Variants in ZZZ3 observed in about 807,000 individuals in gnomAD.
The protein encoded by ZZZ3 is ZZ-type zinc finger-containing protein 3.
In ZZZ3, 22 loss-of-function variants were observed where a neutral mutation model predicts 95.2. That is an observed-to-expected ratio of 0.23 (90% CI 0.17 to 0.33). The LOEUF (loss-of-function observed/expected upper bound fraction) is 0.33. ZZZ3 is among the 10% of genes least tolerant of loss of function. ZZZ3 has a pLI of 1.00. For synonymous variants in ZZZ3, 335 were observed against 358.9 expected, an observed-to-expected ratio of 0.93 and a Z score of 0.75; for missense variants, 885 against 1,066.5, an observed-to-expected ratio of 0.83 and a Z score of 2.37.
chr1:77,681,253 C>T (rs1027674864), intron 1 of ZZZ3, among the ~76,000 whole-genome samples: 27 of 151,952 alleles, frequency 1.8e-4, no homozygotes, highest in African/African-American at 6.3e-4. Context: ...TTTGTGGTAC[C>T]GTGAAACAAG....
intron 5 of ZZZ3, among the ~76,000 whole-genome samples, chr1:77,596,704 T>A (rs1183144665): frequency 1.3e-5 from 2 of 151,448 alleles, no homozygotes; most frequent in South Asian, 4.2e-4. Context: ...TTGATAAGAG[T>A]TTTTCACAAT....
chr1:77,580,825 C>T, intron 9 of ZZZ3, 173 bp downstream of exon 9: 1 of 545,004 alleles, frequency 1.8e-6, no homozygotes, highest in Non-Finnish European at 3.3e-6. Context: ...AGGGTTTCAC[C>T]ATGTTGGCCA....
intron 5 of ZZZ3, among the ~76,000 whole-genome samples, chr1:77,602,225 C>T (rs1345467410): frequency 6.6e-6 from 1 of 152,054 alleles, no homozygotes; most frequent in Non-Finnish European, 1.5e-5. Context: ...AAGCTATGCA[C>T]TTTAAAGAAC....
chr1:77,616,794 G>A (rs1195037823), intron 5 of ZZZ3, among the ~76,000 whole-genome samples: 4 of 152,136 alleles, frequency 2.6e-5, no homozygotes, highest in Non-Finnish European at 4.4e-5. Flanking sequence ...TGGAACCCAG[G>A]AGGCGGAGGT....
chr1:77,673,680 CA>C (rs1279166431), intron 1 of ZZZ3, among the ~76,000 whole-genome samples: 1 of 152,152 alleles, frequency 6.6e-6, no homozygotes, highest in Admixed American at 6.5e-5. Flanking sequence ...AGCTGATTCC[CA>C]ATTTTTTACC....
rs572658240 is a variant in ZZZ3 at position 77,598,697 on chromosome 1, CA to C, written c.1506-14043del. ...TTAAGACATAGTGCAATCATGCCAC[CA>C]GTTCCGGAACTCAACAATTTGTAAA... is the stretch of plus-strand genomic sequence containing the variant. On this transcript the variant is annotated intron_variant, in intron 5 of 14. Transcript: ENST00000370801. 2.1e-4 allele frequency among the ~76,000 whole-genome samples: 32 copies of C among 152,260 alleles called. No individual in the cohort carries two copies. In the East Asian group the frequency reaches 6.2e-3, roughly 29 times the overall value.
intron 1 of ZZZ3, among the ~76,000 whole-genome samples, chr1:77,669,105 G>A (rs1671507586): frequency 1.3e-5 from 2 of 151,686 alleles, no homozygotes; most frequent in Admixed American, 6.6e-5. Context: ...ATAGCTTGTA[G>A]AGATAAAGCT....
At chr1:77,606,038 G>C (rs1350091331) in intron 5 of ZZZ3, among the ~76,000 whole-genome samples, 1 of 152,160 alleles carries the variant, frequency 6.6e-6, no homozygotes, top group Non-Finnish European at 1.5e-5. Flanking sequence ...GCAGGCTCTT[G>C]GGGTCCCCAA....
At position 77,632,143 on chromosome 1, in the gene ZZZ3, T is replaced by C. The variant is rs1390427864; in HGVS notation, c.1212A>G (p.Gln404=). Residue 404 remains glutamine, a synonymous_variant, in exon 5 of 15, where the codon CAA becomes CAG. Coordinates refer to ENST00000370801, the MANE Select transcript of ZZZ3 (RefSeq NM_015534.6). The part of the protein sequence containing the change: ...KNSSPYRENG[Q]FEENNLSPNE... ...TAGGACTAAGATTATTCTCCTCAAATTGTCCATTTTCTCTGTAAGGAGAAC... is the reference window on the plus strand; with the variant it reads ...TAGGACTAAGATTATTCTCCTCAAACTGTCCATTTTCTCTGTAAGGAGAAC... 1.2e-6 allele frequency: 2 copies of C among 1,614,046 alleles called. No homozygotes were observed. Among genetic ancestry groups the C allele is most frequent in the Non-Finnish European group, 1.7e-6 (2 of 1,180,020 alleles).
intron 1 of ZZZ3, among the ~76,000 whole-genome samples, chr1:77,660,510 T>C (rs1001290702): frequency 2.0e-5 from 3 of 152,250 alleles, no homozygotes; most frequent in Admixed American, 1.3e-4. Flanking sequence ...TCACTTAACA[T>C]AATGTCCTCA....
chr1:77,576,398 TA>T (rs1557691471), intron 11 of ZZZ3, among the ~76,000 whole-genome samples, 178 bp from the exon 12 acceptor site: 1 of 152,142 alleles, frequency 6.6e-6, no homozygotes. Context: ...TAACTAGCTT[TA>T]AAAAATTTTT....
chr1:77,595,006 A>G (rs994676685), intron 5 of ZZZ3, among the ~76,000 whole-genome samples: 1 of 151,944 alleles, frequency 6.6e-6, no homozygotes, highest in East Asian at 1.9e-4. Flanking sequence ...GTGCTGCTCA[A>G]CAAACATTAT....
chr1:77,607,559 TCA>T (rs1203712498), intron 5 of ZZZ3, among the ~76,000 whole-genome samples: 1 of 152,118 alleles, frequency 6.6e-6, no homozygotes, highest in Non-Finnish European at 1.5e-5. Flanking sequence ...GAAGAATGAA[TCA>T]GAGTCTGTTA....
chr1:77,576,572 C>T (rs929914812), intron 11 of ZZZ3, among the ~76,000 whole-genome samples: 2 of 151,744 alleles, frequency 1.3e-5, no homozygotes, highest in Non-Finnish European at 2.9e-5. Context: ...GATGAAGTGG[C>T]CTATGCCAGA....
chr1:77,607,734 G>C (rs959827905), intron 5 of ZZZ3, among the ~76,000 whole-genome samples: 2 of 151,838 alleles, frequency 1.3e-5, no homozygotes, highest in African/African-American at 4.8e-5. Context: ...CCAGCCTGGC[G>C]AACATGGTGA....
At chr1:77,617,159 T>G (rs1666398388) in intron 5 of ZZZ3, among the ~76,000 whole-genome samples, 1 of 152,194 alleles carries the variant, frequency 6.6e-6, no homozygotes, top group Non-Finnish European at 1.5e-5. Context: ...TTTACCTTTT[T>G]AACCATTTTA....
At chr1:77,600,808 A>G (rs1664656243) in intron 5 of ZZZ3, among the ~76,000 whole-genome samples, 1 of 152,154 alleles carries the variant, frequency 6.6e-6, no homozygotes, top group East Asian at 1.9e-4. Flanking sequence ...AGTGCTCTAT[A>G]AAACCAAAAC....
chr1:77,601,362 A>G (rs556653491), intron 5 of ZZZ3, among the ~76,000 whole-genome samples: 1 of 152,330 alleles, frequency 6.6e-6, no homozygotes, highest in Non-Finnish European at 1.5e-5. Context: ...CTAGATTTCA[A>G]TGGTAAGAGT....
chr1:77,599,909 CTA>C (rs1233670903), intron 5 of ZZZ3, among the ~76,000 whole-genome samples: 1 of 152,044 alleles, frequency 6.6e-6, no homozygotes, highest in Non-Finnish European at 1.5e-5. Context: ...TATATGTTAT[CTA>C]TGTTAGCCCT....
Sources: allele counts gnomAD v4.1 joint callset (sites outside exome capture counted in the v4.1 genomes callset), GRCh38; gene constraint gnomAD v4.1.1; transcripts MANE v1.5; gene names NCBI Gene and HGNC (gene_info 2026-07-23, HGNC 2026-07-21).